GPC6: variants seen among roughly 807,000 people sequenced by gnomAD.
GPC6 encodes the protein glypican 6, also known as glypican-6.
Under a neutral mutation model 55.2 loss-of-function variants are expected in GPC6, and 14 were observed. The observed-to-expected ratio is 0.25, with a 90% CI of 0.17 to 0.40. The LOEUF (loss-of-function observed/expected upper bound fraction) is 0.40, where lower values mean the gene tolerates loss of function less well. Ranked by LOEUF, GPC6 falls within the 10% of genes least tolerant of loss-of-function variation. The pLI, the probability that GPC6 is intolerant of heterozygous loss-of-function variation, is 1.00. For missense variants in GPC6, 641 were observed against 708.5 expected, an observed-to-expected ratio of 0.90 and a Z score of 1.08; for synonymous variants, 278 against 259.6, an observed-to-expected ratio of 1.07 and a Z score of -0.68.
chr13:93,394,640 G>A (rs1875774627), intron 1 of GPC6, among the ~76,000 whole-genome samples: 1 of 152,124 alleles, frequency 6.6e-6, no homozygotes, highest in African/African-American at 2.4e-5. Context: ...TACAGATACA[G>A]GATAAAAGGC....
intron 4 of GPC6, among the ~76,000 whole-genome samples, chr13:94,236,804 GA>G (rs2139019986): frequency 6.6e-6 from 1 of 152,106 alleles, no homozygotes; most frequent in East Asian, 1.9e-4. Flanking sequence ...TAGAAAAAGT[GA>G]GGCAGAGAAG....
chr13:94,186,061 A>AAAAAAAC (rs1889175515), intron 4 of GPC6, among the ~76,000 whole-genome samples: 1 of 88,714 alleles, frequency 1.1e-5, no homozygotes, highest in African/African-American at 3.0e-5. Context: ...CTCCGTCTCC[A>AAAAAAAC]AAAAAAAAAA....
At chr13:93,810,368 C>A (rs1373653771) in intron 2 of GPC6, among the ~76,000 whole-genome samples, 2 of 152,156 alleles carry the variant, frequency 1.3e-5, no homozygotes, top group East Asian at 3.9e-4. Flanking sequence ...TCTGCACAAA[C>A]CCAAATGAGA....
intron 4 of GPC6, among the ~76,000 whole-genome samples, chr13:94,078,331 T>A (rs1474638043): frequency 6.6e-6 from 1 of 151,774 alleles, no homozygotes; most frequent in African/African-American, 2.4e-5. Context: ...TCAAAAAACC[T>A]AATTTTCTAC....
chr13:93,237,924 T>C (rs1395336779), intron 1 of GPC6, among the ~76,000 whole-genome samples: 2 of 152,180 alleles, frequency 1.3e-5, no homozygotes, highest in East Asian at 3.8e-4. Context: ...TATTGGTCTA[T>C]GTGTCTATTT....
chr13:94,027,297 C>A (rs1164202515), intron 3 of GPC6, among the ~76,000 whole-genome samples: 1 of 152,102 alleles, frequency 6.6e-6, no homozygotes, highest in African/African-American at 2.4e-5. Flanking sequence ...TGATATTGAT[C>A]TTTGAAGAAA....
intron 2 of GPC6, among the ~76,000 whole-genome samples, chr13:93,783,373 C>T (rs1386662944): frequency 1.6e-5 from 2 of 123,366 alleles, no homozygotes; most frequent in Non-Finnish European, 3.3e-5. Flanking sequence ...ATTTCTGGTT[C>T]TAGATCATTG....
intron 2 of GPC6, among the ~76,000 whole-genome samples, chr13:93,546,876 A>G (rs1181302287): frequency 6.6e-6 from 1 of 152,232 alleles, no homozygotes; most frequent in Non-Finnish European, 1.5e-5. Context: ...GAAACAAGAA[A>G]GAAGCTCTAC....
chr13:94,189,787 C>T lies in GPC6; in HGVS notation c.878-96562C>T, dbSNP rs535137213. 3.9e-5 allele frequency among the ~76,000 whole-genome samples: 6 copies of T among 152,038 alleles called. No individual in the cohort carries two copies. In the South Asian group the frequency reaches 8.3e-4, roughly 21 times the overall value. ...CTGTAATCCCCACACTTTGGGAGAC[C>T]GACGCGGGCAGATCACAAGGTCAGG... On this transcript the variant is annotated intron_variant, in intron 4 of 8. Coordinates refer to ENST00000377047, the MANE Select transcript of GPC6 (RefSeq NM_005708.5).
chr13:94,009,797 G>A (rs998784161), intron 3 of GPC6, among the ~76,000 whole-genome samples: 6 of 152,250 alleles, frequency 3.9e-5, no homozygotes, highest in East Asian at 1.9e-4. Context: ...AGTTATGTAC[G>A]TTTAATGAAG....
chr13:94,116,332 C>A (rs1412312560), intron 4 of GPC6, among the ~76,000 whole-genome samples: 1 of 151,962 alleles, frequency 6.6e-6, no homozygotes, highest in Admixed American at 6.6e-5. Context: ...GAGACAGATA[C>A]AGCCTCCAAA....
chr13:93,524,249 C>G lies in GPC6; in HGVS notation c.161-21014C>G, dbSNP rs1034940140. Among the ~76,000 whole-genome samples, 10 of 152,012 alleles carry G rather than the reference C, an allele frequency of 6.6e-5. No homozygotes were observed. The East Asian group carries it at 1.9e-3, about 29-fold the overall frequency. ...CTTTGTCCAACACTCAGAATCACCA[C>G]TCACCTCCTTAACCACAAATCACTA... On this transcript the variant is annotated intron_variant, in intron 1 of 8. Transcript: ENST00000377047.
At chr13:93,690,661 C>G (rs556990993) in intron 2 of GPC6, among the ~76,000 whole-genome samples, 1 of 152,038 alleles carries the variant, frequency 6.6e-6, no homozygotes, top group African/African-American at 2.4e-5. Context: ...AAAGCTATGG[C>G]AAAGGAGCAG....
At chr13:94,138,934 T>G (rs890080285) in intron 4 of GPC6, among the ~76,000 whole-genome samples, 4 of 152,102 alleles carry the variant, frequency 2.6e-5, no homozygotes, top group African/African-American at 7.2e-5. Context: ...ACCAGATAAC[T>G]TACTATATAC....
At chr13:93,822,395 A>T (rs1887081454) in intron 2 of GPC6, among the ~76,000 whole-genome samples, 2 of 152,280 alleles carry the variant, frequency 1.3e-5, no homozygotes, top group East Asian at 3.9e-4. Flanking sequence ...AGGCTCGGTT[A>T]TCTGCATTAA....
chr13:93,300,527 A>T (rs1272501984), intron 1 of GPC6, among the ~76,000 whole-genome samples: 1 of 151,798 alleles, frequency 6.6e-6, no homozygotes, highest in Admixed American at 6.6e-5. Flanking sequence ...GGGTGCCTGT[A>T]GTCCCAGCTA....
intron 1 of GPC6, among the ~76,000 whole-genome samples, chr13:93,276,485 AGAGAGAGAGAGTGTGTGTGTGT>A (rs1877748658): frequency 7.4e-6 from 1 of 135,002 alleles, no homozygotes; most frequent in Admixed American, 7.3e-5. Context: ...AGAGAGAGAG[AGAGAGAGAGAGTGTGTGTGTGT>A]GTGTGTGTGT....
chr13:93,978,989 C>T (rs1026651592), intron 3 of GPC6, among the ~76,000 whole-genome samples: 29 of 152,124 alleles, frequency 1.9e-4, no homozygotes, highest in Middle Eastern at 3.4e-3. Flanking sequence ...TTGTGAACCA[C>T]GAGATAAATC....
intron 1 of GPC6, among the ~76,000 whole-genome samples, chr13:93,282,521 T>TG (rs1426339165): frequency 6.7e-5 from 10 of 148,740 alleles, no homozygotes; most frequent in African/African-American, 2.0e-4. Flanking sequence ...TGAATTACAG[T>TG]GAAAAAAAAA....
Sources: allele counts gnomAD v4.1 joint callset (sites outside exome capture counted in the v4.1 genomes callset), GRCh38; gene constraint gnomAD v4.1.1; transcripts MANE v1.5; gene names NCBI Gene and HGNC (gene_info 2026-07-23, HGNC 2026-07-21).